Variants in GATAD2B observed in about 807,000 individuals in gnomAD.
GATAD2B encodes the protein GATA zinc finger domain containing 2B, also known as transcriptional repressor p66-beta.
A neutral mutation model predicts 64.3 loss-of-function variants in GATAD2B; 8 were observed. The ratio of observed to expected loss-of-function variants is 0.12; its 90% CI spans 0.07 to 0.22. The LOEUF (loss-of-function observed/expected upper bound fraction) is 0.22, where lower values mean the gene tolerates loss of function less well. GATAD2B is among the 10% of genes least tolerant of loss of function. The pLI is 1.00. For synonymous variants in GATAD2B, 281 were observed against 271.3 expected, an observed-to-expected ratio of 1.04 and a Z score of -0.35; for missense variants, 453 against 752.0, an observed-to-expected ratio of 0.60 and a Z score of 4.65.
intron 1 of GATAD2B, among the ~76,000 whole-genome samples, chr1:153,846,629 T>C (rs1675699267): frequency 6.8e-6 from 1 of 146,034 alleles, no homozygotes; most frequent in African/African-American, 2.5e-5. Flanking sequence ...TCGCGCGATC[T>C]CGGCTCACTG....
At chr1:153,811,314 C>A (rs1419174833) in intron 10 of GATAD2B, among the ~76,000 whole-genome samples, 1 of 152,150 alleles carries the variant, frequency 6.6e-6, no homozygotes, top group Admixed American at 6.5e-5. Context: ...ATGGGAGAGA[C>A]AAGTGAAACA....
In GATAD2B at chr1:153,913,479, G is replaced by C. The variant is rs550209792; in HGVS notation, c.-2+9254C>G. On this transcript the variant is annotated intron_variant, in intron 1 of 10. Transcript: ENST00000368655. ...TTACTCTCCTGTTTCTAGCCTGTTA[G>C]ATGAAAGGCAGGGGCACCAGCTCAG... is the stretch of plus-strand genomic sequence containing the variant. 2.6e-5 allele frequency among the ~76,000 whole-genome samples: 4 copies of C among 152,290 alleles called. No homozygotes were observed. The South Asian group carries it at 8.3e-4, about 32-fold the overall frequency.
rs71093296 is a variant in GATAD2B at position 153,876,227 on chromosome 1, C to CAAAA, written c.-2+46502_-2+46505dup. On this transcript the variant is annotated intron_variant, in intron 1 of 10. Transcript: ENST00000368655. ...TGGGCAACACAGTGAGACTTCGTCTCAAAAAAAAAAAAAAAAAAAAAAAAA... is the reference window on the plus strand; with the variant it reads ...TGGGCAACACAGTGAGACTTCGTCTCAAAAAAAAAAAAAAAAAAAAAAAAAAAAA... Among the ~76,000 whole-genome samples, 473 of 48,422 alleles carry CAAAA rather than the reference C, an allele frequency of 9.8e-3. 96 individuals are homozygous for CAAAA. Among genetic ancestry groups the CAAAA allele is most frequent in the South Asian group, 0.018 (13 of 704 alleles). The allele number at this position is 48,422 out of a possible 152,430, so 31.8% of individuals were successfully genotyped here.
intron 1 of GATAD2B, among the ~76,000 whole-genome samples, chr1:153,849,148 A>G (rs1675798066): frequency 6.6e-6 from 1 of 152,222 alleles, no homozygotes; most frequent in Admixed American, 6.5e-5. Context: ...CACCGTACCC[A>G]GCTTTGGGCA....
rs1674493855 is a variant in GATAD2B, at chr1:153,816,728, T to G, written c.901-140A>C. The G allele has an allele frequency of 1.6e-6, 1 of 609,066 alleles. No individual in the cohort carries two copies. Among genetic ancestry groups the G allele is most frequent in the Non-Finnish European group, 2.9e-6 (1 of 343,468 alleles). The allele number at this position is 609,066 out of a possible 1,614,324, so 37.7% of individuals were successfully genotyped here. On this transcript the variant is annotated intron_variant, in intron 6 of 10. Transcript: ENST00000368655. The surrounding 1 kb of genome is among the most constrained non-coding windows in gnomAD (Gnocchi z 4.9). Reference sequence around the variant, plus strand: ...AATAGGAGGTGGTCAACTTATTTATTGAAAAAGAACTCTGACACATAGGAA... The same window carrying G: ...AATAGGAGGTGGTCAACTTATTTATGGAAAAAGAACTCTGACACATAGGAA...
intron 1 of GATAD2B, among the ~76,000 whole-genome samples, chr1:153,883,916 T>C (rs1428143710): frequency 6.6e-6 from 1 of 152,146 alleles, no homozygotes; most frequent in East Asian, 1.9e-4. Flanking sequence ...AACTATATAG[T>C]GGGCAGAGAC....
At chr1:153,921,960 G>C (rs1325851681) in intron 1 of GATAD2B, 8 of 152,146 alleles carry the variant, frequency 5.3e-5, no homozygotes, top group African/African-American at 1.9e-4. Context: ...CTAAGTCCCG[G>C]TGTGGTTAGG....
chr1:153,847,020 G>A (rs749215733), intron 1 of GATAD2B, among the ~76,000 whole-genome samples: 24 of 152,000 alleles, frequency 1.6e-4, no homozygotes, highest in Non-Finnish European at 3.2e-4. Flanking sequence ...GTTGGAGTGC[G>A]ATGGCACAAT....
At position 153,905,768 on chromosome 1, in the gene GATAD2B, C is replaced by CAAA. The variant is rs200353950; in HGVS notation, c.-2+16962_-2+16964dup. On this transcript the variant is annotated intron_variant, in intron 1 of 10. Transcript: ENST00000368655. ...GGCAACATAGCAAGAACCAGTCTCT[C>CAAA]AAACAAAAAAAAAAAAAGCCGGGTG... Among the ~76,000 whole-genome samples, 20 of 116,104 alleles carry CAAA rather than the reference C, an allele frequency of 1.7e-4. 5 individuals carry two copies. The highest frequency in any genetic ancestry group is 1.4e-4 in the Non-Finnish European group (8 of 57,406). 76.2% of individuals were successfully genotyped at this position (116,104 alleles called of 152,430 possible). A position where few individuals can be genotyped will look rare whatever the true frequency, so the allele number is the denominator to read the frequency against.
intron 1 of GATAD2B, among the ~76,000 whole-genome samples, chr1:153,834,179 T>C (rs575876561): frequency 4.0e-5 from 6 of 151,676 alleles, no homozygotes; most frequent in African/African-American, 1.4e-4. Flanking sequence ...ATTTTTTGTA[T>C]TTTTGCTATA....
In GATAD2B at chr1:153,813,399, G is replaced by A. The variant is rs368264266; in HGVS notation, c.1270C>T (p.Arg424Cys). Reference protein sequence around the residue: ...RVEPFVCAQCRTDFTPHWKQE... With the variant: ...RVEPFVCAQCCTDFTPHWKQE... ...TTCCAGTGAGGGGTGAAATCTGTGC[G>A]GCACTGGGCACATACAAAGGGTTCA... Residue 424 changes from arginine (R) to cysteine (C), a missense_variant, in exon 8 of 11, where the codon CGC (arginine) becomes TGC (cysteine). Arg to Cys is a radical substitution (Grantham distance 180). This residue lies in a region of GATAD2B where 160 missense variants were observed against 334.7 expected (regional missense o/e 0.48). Transcript: ENST00000368655. 3.3e-5 allele frequency: 53 copies of A among 1,613,818 alleles called. No individual in the cohort carries two copies. The highest frequency in any genetic ancestry group is 9.3e-5 in the African/African-American group (7 of 74,878).
chr1:153,832,803 C>A (rs1217241057), intron 1 of GATAD2B, among the ~76,000 whole-genome samples: 2 of 152,164 alleles, frequency 1.3e-5, no homozygotes, highest in Non-Finnish European at 2.9e-5. Flanking sequence ...ATCTCCCACT[C>A]CATTCCTCCC....
rs370978774 is a variant in GATAD2B at position 153,868,927 on chromosome 1, C to G, written c.-1-40579G>C. On this transcript the variant is annotated intron_variant, in intron 1 of 10. Transcript: ENST00000368655. ...TTTCGTATTTTTAGTAGAGACGAAGCCAAGATACTTAGAAGCCACTGTGTA... is the reference window on the plus strand; with the variant it reads ...TTTCGTATTTTTAGTAGAGACGAAGGCAAGATACTTAGAAGCCACTGTGTA... Among the ~76,000 whole-genome samples the G allele has an allele frequency of 2.0e-5, 3 of 151,860 alleles. No homozygotes were observed. In the South Asian group the frequency reaches 6.2e-4, roughly 32 times the overall value.
chr1:153,917,085 T>A (rs1447522784), intron 1 of GATAD2B, among the ~76,000 whole-genome samples: 3 of 149,820 alleles, frequency 2.0e-5, no homozygotes, highest in Non-Finnish European at 4.4e-5. Flanking sequence ...GGAATACAGG[T>A]GTGAGCCCCC....
intron 1 of GATAD2B, among the ~76,000 whole-genome samples, chr1:153,849,723 C>T (rs985181172): frequency 6.6e-6 from 1 of 152,122 alleles, no homozygotes; most frequent in East Asian, 1.9e-4. Context: ...CCCCTCCTTC[C>T]GGTTTCAAGC....
At chr1:153,877,059 T>G (rs981837183) in intron 1 of GATAD2B, among the ~76,000 whole-genome samples, 1 of 151,060 alleles carries the variant, frequency 6.6e-6, no homozygotes, top group Admixed American at 6.6e-5. Flanking sequence ...GAAAGGTTCT[T>G]TGCATTGGCC....
chr1:153,855,376 G>A (rs1676047553), intron 1 of GATAD2B, among the ~76,000 whole-genome samples: 1 of 151,828 alleles, frequency 6.6e-6, no homozygotes, highest in African/African-American at 2.4e-5. Flanking sequence ...TTACAGACAG[G>A]TGTCCCCACG....
At chr1:153,907,268 C>T (rs6671132) in intron 1 of GATAD2B, among the ~76,000 whole-genome samples, 41,080 of 152,084 alleles carry the variant, frequency 0.27, 6,108 homozygotes, top group Admixed American at 0.38. Flanking sequence ...ATCCACCAAC[C>T]GATGAATGGA....
At chr1:153,915,757 A>AAG (rs1553200221) in intron 1 of GATAD2B, among the ~76,000 whole-genome samples, 1 of 150,554 alleles carries the variant, frequency 6.6e-6, no homozygotes, top group African/African-American at 2.5e-5. Flanking sequence ...AAAAAAAAAA[A>AAG]AAAAGAAAAG....
Sources: gnomAD v4.1 joint callset for allele counts (sites outside exome capture counted in the v4.1 genomes callset) on GRCh38, gnomAD v4.1.1 for gene constraint, gnomAD v4.1.1 regional missense constraint, Gnocchi (gnomAD v3.1) non-coding constraint, MANE v1.5 for transcripts, NCBI Gene and HGNC (gene_info 2026-07-23, HGNC 2026-07-21) for gene names.